The following MAPK4 variants were observed in gnomAD, a reference collection of about 807,000 sequenced individuals.
The protein encoded by MAPK4 is Erk3-related.
A neutral mutation model predicts 47.7 loss-of-function variants in MAPK4; 22 were observed. The observed-to-expected ratio is 0.46, with a 90% CI of 0.33 to 0.66. The LOEUF (loss-of-function observed/expected upper bound fraction) is 0.66, where lower values mean the gene tolerates loss of function less well. Among genes scored for constraint, MAPK4 ranks in the 30% least tolerant of loss-of-function variants. The probability of loss-of-function intolerance (pLI) is 0.02; values close to 1 mark genes in which losing one functional copy is unlikely to be tolerated. For synonymous variants in MAPK4, 390 were observed against 365.7 expected, an observed-to-expected ratio of 1.07 and a Z score of -0.76; for missense variants, 736 against 831.7, an observed-to-expected ratio of 0.88 and a Z score of 1.42.
intron 2 of MAPK4, among the ~76,000 whole-genome samples, chr18:50,700,521 A>AC (rs2144379788): frequency 6.6e-6 from 1 of 152,300 alleles, no homozygotes; most frequent in Admixed American, 6.5e-5. Context: ...ATTAATAGTG[A>AC]CGCAAACATC....
intron 1 of MAPK4, among the ~76,000 whole-genome samples, chr18:50,598,092 C>T (rs1008306086): frequency 6.6e-6 from 1 of 152,188 alleles, no homozygotes; most frequent in African/African-American, 2.4e-5. Flanking sequence ...CCTTCACGGC[C>T]CCTCCAACCA....
At chr18:50,704,489 AAG>A (rs1270805766) in intron 2 of MAPK4, 1 of 398,494 alleles carries the variant, frequency 2.5e-6, no homozygotes, top group East Asian at 3.6e-5. Flanking sequence ...TCCAAAAAAA[AAG>A]CAAGACAATC....
At chr18:50,662,722 C>A (rs1197010863) in intron 1 of MAPK4, among the ~76,000 whole-genome samples, 1 of 152,262 alleles carries the variant, frequency 6.6e-6, no homozygotes, top group Non-Finnish European at 1.5e-5. Flanking sequence ...TTTCTACTCT[C>A]ACCCTTCCTA....
At chr18:50,591,428 C>T (rs544146836) in intron 1 of MAPK4, among the ~76,000 whole-genome samples, 1 of 151,892 alleles carries the variant, frequency 6.6e-6, no homozygotes, top group East Asian at 1.9e-4. Flanking sequence ...TCTATGTTGA[C>T]TTAAGACTTT....
At chr18:50,598,637 A>G (rs1354542183) in intron 1 of MAPK4, among the ~76,000 whole-genome samples, 2 of 152,192 alleles carry the variant, frequency 1.3e-5, no homozygotes, top group Non-Finnish European at 2.9e-5. Context: ...CTTCTTTACA[A>G]CTAAACTTCA....
At chr18:50,662,237 G>T (rs775849241) in intron 1 of MAPK4, among the ~76,000 whole-genome samples, 7 of 152,186 alleles carry the variant, frequency 4.6e-5, no homozygotes, top group Admixed American at 2.6e-4. Flanking sequence ...TAGAAAACCT[G>T]CCAGTCTCTT....
At chr18:50,621,807 G>A (rs1049826374) in intron 1 of MAPK4, among the ~76,000 whole-genome samples, 12 of 152,336 alleles carry the variant, frequency 7.9e-5, no homozygotes, top group African/African-American at 2.9e-4. Context: ...TTTCTTGAGG[G>A]TCTCCCATAT....
At chr18:50,595,853 G>A (rs1365044012) in intron 1 of MAPK4, among the ~76,000 whole-genome samples, 5 of 151,954 alleles carry the variant, frequency 3.3e-5, no homozygotes, top group African/African-American at 1.2e-4. Flanking sequence ...TTCATCACAC[G>A]CTTTCCATTT....
chr18:50,617,623 G>A (rs971149895), intron 1 of MAPK4, among the ~76,000 whole-genome samples: 4 of 152,180 alleles, frequency 2.6e-5, no homozygotes, highest in Non-Finnish European at 5.9e-5. Flanking sequence ...TCCCAGAGCT[G>A]AGAGCTGGAG....
intron 2 of MAPK4, among the ~76,000 whole-genome samples, chr18:50,695,127 C>G (rs1386845795): frequency 1.3e-5 from 2 of 151,992 alleles, no homozygotes; most frequent in African/African-American, 4.8e-5. Context: ...GGGCAGATCA[C>G]TTGAGGTCAG....
intron 1 of MAPK4, among the ~76,000 whole-genome samples, chr18:50,642,542 G>C (rs1374216849): frequency 4.6e-5 from 7 of 152,204 alleles, no homozygotes; most frequent in Non-Finnish European, 5.9e-5. Flanking sequence ...TAAGGCCTAT[G>C]AGGATGCTGT....
At chr18:50,568,000 TC>T (rs2042215878) in intron 1 of MAPK4, among the ~76,000 whole-genome samples, 1 of 151,842 alleles carries the variant, frequency 6.6e-6, no homozygotes, top group African/African-American at 2.4e-5. Flanking sequence ...ATCGAGACCA[TC>T]CTGGCTAACA....
At chr18:50,671,360 G>A in intron 2 of MAPK4, among the ~76,000 whole-genome samples, 1 of 152,156 alleles carries the variant, frequency 6.6e-6, no homozygotes, top group East Asian at 1.9e-4. Context: ...GAAAACATAG[G>A]CTTTTCATTC....
Position 50,708,204 on chromosome 18 carries a change from C to T in MAPK4, c.547-6875C>T, listed in dbSNP as rs117183724. 6.4e-3 allele frequency among the ~76,000 whole-genome samples: 981 copies of T among 152,284 alleles called. 9 individuals carry two copies. The highest frequency in any genetic ancestry group is 9.4e-3 in the Non-Finnish European group (637 of 68,018). The stretch of plus-strand genomic sequence containing the variant: ...TTTAAAAAAGGTTTCTCACGTGCCT[C>T]ATATGTACATTGGCACAAATAAGAA... On this transcript the variant is annotated intron_variant, in intron 2 of 5. Coordinates refer to ENST00000400384, the MANE Select transcript of MAPK4 (RefSeq NM_002747.4).
At chr18:50,573,078 A>G (rs2042263899) in intron 1 of MAPK4, among the ~76,000 whole-genome samples, 2 of 152,240 alleles carry the variant, frequency 1.3e-5, no homozygotes. Context: ...AGACATTGTT[A>G]GCAGTGATAA....
chr18:50,651,734 T>G (rs1211516847), intron 1 of MAPK4, among the ~76,000 whole-genome samples: 1 of 152,224 alleles, frequency 6.6e-6, no homozygotes. Flanking sequence ...TGTAGATTCA[T>G]TCCTTGATAC....
At chr18:50,674,936 C>T (rs888469646) in intron 2 of MAPK4, among the ~76,000 whole-genome samples, 12 of 152,180 alleles carry the variant, frequency 7.9e-5, no homozygotes, top group Non-Finnish European at 1.8e-4. Context: ...AAATTCTCTT[C>T]CTCAGGGCAG....
chr18:50,685,520 C>T (rs1374035465), intron 2 of MAPK4, among the ~76,000 whole-genome samples: 3 of 152,146 alleles, frequency 2.0e-5, no homozygotes, highest in African/African-American at 4.8e-5. Context: ...TACAAGAACG[C>T]GTAGAGAAAT....
At chr18:50,648,952 G>T (rs1405356505) in intron 1 of MAPK4, among the ~76,000 whole-genome samples, 1 of 152,234 alleles carries the variant, frequency 6.6e-6, no homozygotes, top group African/African-American at 2.4e-5. Flanking sequence ...TAGACTTGAA[G>T]CTGGGACTCT....
Sources: allele counts gnomAD v4.1 joint callset (sites outside exome capture counted in the v4.1 genomes callset), GRCh38; gene constraint gnomAD v4.1.1; transcripts MANE v1.5; gene names NCBI Gene and HGNC (gene_info 2026-07-23, HGNC 2026-07-21).